ANGPTL1: variants seen among roughly 807,000 people sequenced by gnomAD.
ANGPTL1 encodes angiopoietin like 1.
ANGPTL1 carries 36 observed loss-of-function variants against 46.7 expected under a neutral mutation model. The ratio of observed to expected loss-of-function variants is 0.77; its 90% CI spans 0.59 to 1.02. The LOEUF (loss-of-function observed/expected upper bound fraction) is 1.02. Among genes scored for constraint, ANGPTL1 ranks in the 50% least tolerant of loss-of-function variants. ANGPTL1 has a pLI of 0.00. For synonymous variants in ANGPTL1, 221 were observed against 204.3 expected (o/e 1.08, Z -0.69); for missense variants, 571 against 594.7 (o/e 0.96, Z 0.41).
chr1:178,853,091 C>G, intron 4 of ANGPTL1, 138 bp from the exon 5 acceptor site: 5 of 1,429,548 alleles, frequency 3.5e-6, no homozygotes, highest in Non-Finnish European at 4.6e-6. Context: ...TTTAGTTGGT[C>G]ACTTGCGTTT....
chr1:178,864,487 G>A (rs1337705845), intron 3 of ANGPTL1, among the ~76,000 whole-genome samples: 1 of 152,070 alleles, frequency 6.6e-6, no homozygotes, highest in African/African-American at 2.4e-5. Context: ...GCTGAGAGTG[G>A]AGATAATGAG....
intron 2 of ANGPTL1, 65 bp from the exon 3 acceptor site, chr1:178,865,867 TC>T: frequency 1.0e-6 from 1 of 983,150 alleles, no homozygotes; most frequent in Admixed American, 2.7e-5. Flanking sequence ...TATGTTAAAG[TC>T]AGTAATCTTA....
At chr1:178,864,786 G>A (rs1658268209) in intron 3 of ANGPTL1, among the ~76,000 whole-genome samples, 168 bp downstream of exon 3, 1 of 152,148 alleles carries the variant, frequency 6.6e-6, no homozygotes, top group Non-Finnish European at 1.5e-5. Flanking sequence ...AGAGCTGGAA[G>A]AGGAGATGTA....
intron 3 of ANGPTL1, among the ~76,000 whole-genome samples, chr1:178,856,329 G>A (rs1657567535): frequency 7.1e-6 from 1 of 140,052 alleles, no homozygotes; most frequent in African/African-American, 2.7e-5. Flanking sequence ...CTGGGCTCAA[G>A]TGATCCTCCC....
At position 178,853,792 on chromosome 1, in the gene ANGPTL1, A is replaced by G. The variant is rs768818409; in HGVS notation, c.824-5T>C. The stretch of plus-strand genomic sequence containing the variant: ...GCTGACAGTCTTTGAATGGTCCTAT[A>G]ATTTAAATATCATTTATTATCAGCA... On this transcript the variant is annotated splice_polypyrimidine_tract_variant and splice_region_variant and intron_variant, in intron 3 of 5. Coordinates refer to ENST00000234816, the MANE Select transcript of ANGPTL1 (RefSeq NM_004673.4). 6.4e-7 allele frequency: 1 copy of G among 1,554,008 alleles called. No homozygotes were observed. The highest frequency in any genetic ancestry group is 8.7e-7 in the Non-Finnish European group (1 of 1,155,024).
intron 1 of ANGPTL1, among the ~76,000 whole-genome samples, chr1:178,870,250 C>T (rs1658668688): frequency 6.6e-6 from 1 of 152,094 alleles, no homozygotes; most frequent in Admixed American, 6.6e-5. Context: ...CAAAGACTTT[C>T]AACTATTTTT....
intron 3 of ANGPTL1, among the ~76,000 whole-genome samples, chr1:178,861,553 T>C (rs1029548662): frequency 6.6e-6 from 1 of 152,070 alleles, no homozygotes; most frequent in Non-Finnish European, 1.5e-5. Flanking sequence ...TGTTTAAAAA[T>C]GTGAATAGTG....
intron 3 of ANGPTL1, among the ~76,000 whole-genome samples, chr1:178,859,089 G>T (rs1415079178): frequency 6.6e-6 from 1 of 152,016 alleles, no homozygotes; most frequent in African/African-American, 2.4e-5. Context: ...GTAATAATAT[G>T]AATTACTTAG....
In ANGPTL1 at chr1:178,851,176, A is replaced by T; in HGVS notation, c.1429T>A (p.Ser477Thr). The change falls in exon 6 of 6, where the codon TCA becomes ACA. Residue 477 changes from serine to threonine, a missense_variant. Ser to Thr is a moderately conservative substitution (Grantham distance 58). Transcript: ENST00000234816. Reference protein sequence around the residue: ...GIFWAEYRGGSYSLRAVQMMI... With the variant: ...GIFWAEYRGGTYSLRAVQMMI... ...ATCTGAACTGCTCTTAAGGAGTATG[A>T]CCCGCCTCTGTATTCGGCCCAGAAA... is the stretch of plus-strand genomic sequence containing the variant. 1 of 1,613,654 alleles carries T rather than the reference A, an allele frequency of 6.2e-7. No individual in the cohort carries two copies. The highest frequency in any genetic ancestry group is 8.5e-7 in the Non-Finnish European group (1 of 1,179,820).
intron 3 of ANGPTL1, among the ~76,000 whole-genome samples, chr1:178,859,830 C>G (rs1462502049): frequency 3.0e-5 from 3 of 98,540 alleles, no homozygotes; most frequent in South Asian, 4.9e-4. Flanking sequence ...GCCCCCCCCC[C>G]CCCAACCGCC....
At chr1:178,868,739 A>C (rs1393540433) in intron 2 of ANGPTL1, among the ~76,000 whole-genome samples, 1 of 152,024 alleles carries the variant, frequency 6.6e-6, no homozygotes, top group Non-Finnish European at 1.5e-5. Flanking sequence ...AAATCATAAG[A>C]TAAATCACTG....
intron 1 of ANGPTL1, among the ~76,000 whole-genome samples, chr1:178,869,574 A>C (rs898692029): frequency 6.6e-6 from 1 of 152,134 alleles, no homozygotes. Flanking sequence ...GAGAGATGAC[A>C]GTATTTCAGA....
At chr1:178,853,173 A>G (rs1373724961) in intron 4 of ANGPTL1, 2 of 985,232 alleles carry the variant, frequency 2.0e-6, no homozygotes, top group Admixed American at 1.2e-4. Flanking sequence ...ATTCATTTGC[A>G]TAGCTAGCTT....
chr1:178,853,963 A>G (rs535522960), intron 3 of ANGPTL1, among the ~76,000 whole-genome samples, 176 bp from the exon 4 acceptor site: 9 of 152,166 alleles, frequency 5.9e-5, no homozygotes, highest in East Asian at 3.9e-4. Flanking sequence ...TATCTGGAAC[A>G]TTAATTTGTT....
Position 178,853,606 on chromosome 1 carries a change from C to A in ANGPTL1, c.1005G>T (p.Trp335Cys). The change falls in exon 4 of 6, where the codon TGG (tryptophan) becomes TGT (cysteine). Residue 335 changes from tryptophan (W) to cysteine (C), a missense_variant. Coordinates refer to ENST00000234816, the MANE Select transcript of ANGPTL1 (RefSeq NM_004673.4). ...ATCACTGATTTACCTTATAATTTTC[C>A]CAATTTCTGAAGAAGTTGACAGAGC... ...TDGSVNFFRNWENYKKGFGNI... is the reference protein window; with the variant it reads ...TDGSVNFFRNCENYKKGFGNI... The A allele has an allele frequency of 6.3e-7, 1 of 1,593,636 alleles. No homozygotes were observed. Among genetic ancestry groups the A allele is most frequent in the Non-Finnish European group, 8.5e-7 (1 of 1,172,696 alleles).
intron 2 of ANGPTL1, among the ~76,000 whole-genome samples, chr1:178,867,127 C>T (rs1264194616): frequency 2.6e-5 from 4 of 152,070 alleles, no homozygotes; most frequent in Non-Finnish European, 5.9e-5. Context: ...GAAACCAGCT[C>T]CTAAGTTGTT....
At chr1:178,870,712 TA>T (rs1176724186) in intron 1 of ANGPTL1, 28 bp downstream of exon 1, 1 of 152,214 alleles carries the variant, frequency 6.6e-6, no homozygotes, top group African/African-American at 2.4e-5. Flanking sequence ...CTATACATAA[TA>T]TTTTTAAATA....
chr1:178,867,821 CGAAAACAAAGGTCATGTCAATGAAAT>C (rs1658510080), intron 2 of ANGPTL1, among the ~76,000 whole-genome samples: 3 of 151,512 alleles, frequency 2.0e-5, no homozygotes, highest in Non-Finnish European at 4.4e-5. Flanking sequence ...GGACCCCTCC[CGAAAACAAAGGTCATGTCAATGAAAT>C]ATAACTCTTA....
intron 3 of ANGPTL1, among the ~76,000 whole-genome samples, chr1:178,856,194 G>GATATATATATAT (rs776840814): frequency 2.3e-4 from 23 of 99,170 alleles, no homozygotes; most frequent in South Asian, 1.0e-3. Context: ...CTTTTCCAGA[G>GATATATATATAT]AGAGAGAGAT....
Sources: allele counts gnomAD v4.1 joint callset (sites outside exome capture counted in the v4.1 genomes callset), GRCh38; gene constraint gnomAD v4.1.1; transcripts MANE v1.5; gene names NCBI Gene and HGNC (gene_info 2026-07-23, HGNC 2026-07-21).